Variants in VPS13D observed in about 807,000 individuals in gnomAD.
The protein encoded by VPS13D is intermembrane lipid transfer protein VPS13D.
VPS13D carries 187 observed loss-of-function variants against 461.9 expected under a neutral mutation model. The ratio of observed to expected loss-of-function variants is 0.40; its 90% CI spans 0.36 to 0.46. The LOEUF (loss-of-function observed/expected upper bound fraction) is 0.46, where lower values mean the gene tolerates loss of function less well. VPS13D is among the 20% of genes least tolerant of loss of function. The pLI, the probability that VPS13D is intolerant of heterozygous loss-of-function variation, is 0.60. For missense variants in VPS13D, 4,711 were observed against 5,364.9 expected, an observed-to-expected ratio of 0.88 and a Z score of 3.81; for synonymous variants, 1,951 against 1,986.3, an observed-to-expected ratio of 0.98 and a Z score of 0.47.
intron 3 of VPS13D, among the ~76,000 whole-genome samples, chr1:12,243,556 C>G (rs1042960764): frequency 2.6e-5 from 4 of 152,146 alleles, no homozygotes; most frequent in Non-Finnish European, 1.5e-5. Context: ...CTTTGGGAGG[C>G]TGAGGCAGGA....
intron 24 of VPS13D, among the ~76,000 whole-genome samples, chr1:12,296,289 G>T (rs568011122): frequency 6.6e-6 from 1 of 152,254 alleles, no homozygotes; most frequent in Non-Finnish European, 1.5e-5. Flanking sequence ...CATCAGCAGT[G>T]TATAATAATT....
chr1:12,240,515 A>C (rs2101195400), intron 2 of VPS13D, among the ~76,000 whole-genome samples: 1 of 149,942 alleles, frequency 6.7e-6, no homozygotes, highest in Admixed American at 6.8e-5. Context: ...GAATCGCTTG[A>C]ACCCAGGAGG....
chr1:12,255,641 C>T (rs758209971), intron 7 of VPS13D, among the ~76,000 whole-genome samples: 18 of 151,566 alleles, frequency 1.2e-4, no homozygotes, highest in African/African-American at 4.1e-4. Flanking sequence ...CGCCTGTAAT[C>T]CCAGCACTTG....
In VPS13D at chr1:12,487,858, A is replaced by AT. The variant is rs201728399; in HGVS notation, c.12663-9633dup. On this transcript the variant is annotated intron_variant, in intron 67 of 69. Coordinates refer to ENST00000620676, the MANE Select transcript of VPS13D (RefSeq NM_015378.4). ...TTGCAGAAAGTGTTTTACCCCTGAA[A>AT]TTTTTTTTTGAAAGCGCCTGCTGTG... 6.6e-5 allele frequency among the ~76,000 whole-genome samples: 10 copies of AT among 151,870 alleles called. 1 individual carries two copies. The East Asian group carries it at 1.5e-3, about 24-fold the overall frequency.
At chr1:12,409,177 T>G (rs1644692689) in intron 63 of VPS13D, among the ~76,000 whole-genome samples, 1 of 152,206 alleles carries the variant, frequency 6.6e-6, no homozygotes, top group Non-Finnish European at 1.5e-5. Flanking sequence ...GAATCTAATT[T>G]TTTTTTGAAA....
At position 12,253,705 on chromosome 1, in the gene VPS13D, T is replaced by C. The variant is rs372965660; in HGVS notation, c.565-17T>C. The stretch of plus-strand genomic sequence containing the variant: ...AAGACAGTCATCCTATTTTCTTCTT[T>C]GTCTTTTTTACCTCAGGTACAGAAA... On this transcript the variant is annotated splice_polypyrimidine_tract_variant and intron_variant, in intron 6 of 69. Transcript: ENST00000620676. The C allele has an allele frequency of 3.8e-5, 61 of 1,588,048 alleles. No individual in the cohort carries two copies. The highest frequency in any genetic ancestry group is 4.9e-5 in the Non-Finnish European group (57 of 1,156,598).
Position 12,378,493 on chromosome 1 carries a change from C to T in VPS13D, c.10983C>T (p.Ser3661=). The stretch of plus-strand genomic sequence containing the variant: ...CAGGAATGCTGGCCCATGAGGGCTC[C>T]TCAGTTCCTCACAATCCCAATAAGC... ...TGTGMLAHEG[S]SVPHNPNKPS... The change falls in exon 56 of 70, where the codon TCC becomes TCT. Residue 3661 remains serine, a synonymous_variant. Transcript: ENST00000620676. 6.2e-7 allele frequency: 1 copy of T among 1,612,910 alleles called. No homozygotes were observed. Among genetic ancestry groups the T allele is most frequent in the Non-Finnish European group, 8.5e-7 (1 of 1,179,526 alleles).
In VPS13D at chr1:12,232,071, T is replaced by C. The variant is rs191254466; in HGVS notation, c.-77+1951T>C. Reference sequence around the variant, plus strand: ...CATTTTTTTTAAAAAATTGTTCTTATAACATCTTCTTTAAACAAATGTAGC... The same window carrying C: ...CATTTTTTTTAAAAAATTGTTCTTACAACATCTTCTTTAAACAAATGTAGC... On this transcript the variant is annotated intron_variant, in intron 1 of 69. Coordinates refer to ENST00000620676, the MANE Select transcript of VPS13D (RefSeq NM_015378.4). Among the ~76,000 whole-genome samples, 760 of 152,338 alleles carry C rather than the reference T, an allele frequency of 5.0e-3. 7 individuals are homozygous for C. The highest frequency in any genetic ancestry group is 0.017 in the African/African-American group (687 of 41,572).
At chr1:12,435,790 G>A (rs1331999004) in intron 65 of VPS13D, among the ~76,000 whole-genome samples, 1 of 151,828 alleles carries the variant, frequency 6.6e-6, no homozygotes, top group Non-Finnish European at 1.5e-5. Flanking sequence ...TTATCAAGGG[G>A]ATACAGAGAA....
At chr1:12,284,716 G>A (rs1006328851) in intron 21 of VPS13D, among the ~76,000 whole-genome samples, 2 of 152,212 alleles carry the variant, frequency 1.3e-5, no homozygotes, top group Admixed American at 1.3e-4. Context: ...GGAGAAGTCA[G>A]GGAGGAGAAT....
chr1:12,303,377 G>A (rs1377326642), intron 25 of VPS13D, among the ~76,000 whole-genome samples: 2 of 152,054 alleles, frequency 1.3e-5, no homozygotes, highest in Non-Finnish European at 2.9e-5. Flanking sequence ...AAAAGCTTTG[G>A]GTTAATCTTC....
At position 12,245,180 on chromosome 1, in the gene VPS13D, A is replaced by G. The variant is rs78140849; in HGVS notation, c.447+563A>G. 5.0e-3 allele frequency among the ~76,000 whole-genome samples: 758 copies of G among 152,296 alleles called. 7 individuals are homozygous for G. Among genetic ancestry groups the G allele is most frequent in the African/African-American group, 0.016 (685 of 41,574 alleles). ...CTTGCCCATGTTTTCTACTTCAATT[A>G]TACTTTTGTTTCATCCTCAAAAACT... On this transcript the variant is annotated intron_variant, in intron 5 of 69. Coordinates refer to ENST00000620676, the MANE Select transcript of VPS13D (RefSeq NM_015378.4).
At chr1:12,286,720 T>C (rs1641984992) in intron 21 of VPS13D, among the ~76,000 whole-genome samples, 1 of 152,256 alleles carries the variant, frequency 6.6e-6, no homozygotes, top group Admixed American at 6.5e-5. Flanking sequence ...CGTCTGATCA[T>C]CATCTGTTAG....
At chr1:12,318,757 A>C (rs1642955471) in intron 31 of VPS13D, among the ~76,000 whole-genome samples, 1 of 152,248 alleles carries the variant, frequency 6.6e-6, no homozygotes, top group Non-Finnish European at 1.5e-5. Context: ...TCATTACAAA[A>C]AGAATATTTT....
In VPS13D at chr1:12,463,180, G is replaced by A. The variant is rs951616203; in HGVS notation, c.12662+2784G>A. Among the ~76,000 whole-genome samples the A allele has an allele frequency of 3.9e-5, 6 of 152,168 alleles. No individual in the cohort carries two copies. The South Asian group carries it at 6.2e-4, about 16-fold the overall frequency. ...CTACCGTGATCATTGAGGCACAGCC[G>A]GTCTTCATATATCCTCAAAGGAGGG... On this transcript the variant is annotated intron_variant, in intron 67 of 69. Transcript: ENST00000620676.
intron 65 of VPS13D, among the ~76,000 whole-genome samples, chr1:12,452,809 A>G (rs753503469): frequency 7.4e-4 from 112 of 152,354 alleles, no homozygotes; most frequent in Admixed American, 1.4e-3. Flanking sequence ...TTCAACATCT[A>G]CTCAAGTTTT....
chr1:12,384,679 G>A (rs943785401), intron 58 of VPS13D, among the ~76,000 whole-genome samples: 1 of 152,040 alleles, frequency 6.6e-6, no homozygotes. Flanking sequence ...GAGGGAAGTG[G>A]CAAAATCATA....
At chr1:12,323,564 C>A in intron 34 of VPS13D, 142 bp from the exon 35 acceptor site, 1 of 712,832 alleles carries the variant, frequency 1.4e-6, no homozygotes, top group Non-Finnish European at 2.3e-6. Flanking sequence ...TAGAATTCTC[C>A]AATTAGGAGT....
At chr1:12,295,588 GTTGTT>G (rs1235987171) in intron 24 of VPS13D, among the ~76,000 whole-genome samples, 1 of 152,046 alleles carries the variant, frequency 6.6e-6, no homozygotes, top group Non-Finnish European at 1.5e-5. Context: ...ATTTGTTTCT[GTTGTT>G]TTCTATACAT....
Sources: allele counts gnomAD v4.1 joint callset (sites outside exome capture counted in the v4.1 genomes callset), GRCh38; gene constraint gnomAD v4.1.1; transcripts MANE v1.5; gene names NCBI Gene and HGNC (gene_info 2026-07-23, HGNC 2026-07-21).